ACYP2: variants seen among roughly 807,000 people sequenced by gnomAD.
ACYP2 encodes acylphosphatase 2, also known as acylphosphatase-2.
ACYP2 carries 12 observed loss-of-function variants against 11.2 expected under a neutral mutation model. The ratio of observed to expected loss-of-function variants is 1.08; its 90% CI spans 0.69 to 1.74. The LOEUF is 1.74. ACYP2 is among the 40% of genes most tolerant of loss of function. The pLI, the probability that ACYP2 is intolerant of heterozygous loss-of-function variation, is 0.00. For missense variants in ACYP2, 134 were observed against 101.9 expected (o/e 1.31, Z -1.35); for synonymous variants, 43 against 32.2 (o/e 1.33, Z -1.13).
intron 6 of ACYP2, among the ~76,000 whole-genome samples, chr2:54,211,998 C>T (rs148542484): frequency 4.6e-5 from 7 of 152,288 alleles, no homozygotes; most frequent in African/African-American, 1.4e-4. Flanking sequence ...GCTCCACTCA[C>T]TGCCTGCCAT....
At chr2:54,287,031 G>T (rs746416219) in intron 6 of ACYP2, among the ~76,000 whole-genome samples, 2 of 151,882 alleles carry the variant, frequency 1.3e-5, no homozygotes, top group African/African-American at 4.9e-5. Flanking sequence ...CCAATTTTTT[G>T]ATACTCTTTT....
At chr2:54,145,810 C>A (rs557170337) in intron 6 of ACYP2, among the ~76,000 whole-genome samples, 1 of 152,198 alleles carries the variant, frequency 6.6e-6, no homozygotes, top group East Asian at 1.9e-4. Context: ...AATATGTATT[C>A]CAAATCCCAC....
intron 6 of ACYP2, among the ~76,000 whole-genome samples, chr2:54,271,228 G>T (rs1688284220): frequency 6.6e-6 from 1 of 152,116 alleles, no homozygotes; most frequent in Non-Finnish European, 1.5e-5. Flanking sequence ...CTAATGAAAG[G>T]CCACAAGATT....
At chr2:54,241,617 G>A (rs1489272405) in intron 6 of ACYP2, among the ~76,000 whole-genome samples, 1 of 152,160 alleles carries the variant, frequency 6.6e-6, no homozygotes, top group East Asian at 1.9e-4. Flanking sequence ...AGATAGTCAC[G>A]TCTTTCTCTT....
At chr2:54,018,567 C>G (rs1167775770) in intron 2 of ACYP2, among the ~76,000 whole-genome samples, 5 of 151,730 alleles carry the variant, frequency 3.3e-5, no homozygotes, top group Non-Finnish European at 7.4e-5. Context: ...AATCCCAGCA[C>G]TTTGGGAGGC....
intron 6 of ACYP2, among the ~76,000 whole-genome samples, chr2:54,244,459 C>A (rs145717074): frequency 0.011 from 1,633 of 151,534 alleles, 19 homozygotes; most frequent in African/African-American, 0.026. Flanking sequence ...GCCTCAGCCT[C>A]CCAAAGTGCT....
chr2:54,000,015 G>A (rs958131762), intron 2 of ACYP2, among the ~76,000 whole-genome samples: 6 of 152,074 alleles, frequency 3.9e-5, no homozygotes, highest in Middle Eastern at 3.4e-3. Flanking sequence ...ACCTTAAATA[G>A]GGTTGGGATT....
At chr2:54,216,640 C>T (rs1386604859) in intron 6 of ACYP2, among the ~76,000 whole-genome samples, 3 of 151,820 alleles carry the variant, frequency 2.0e-5, no homozygotes, top group East Asian at 1.9e-4. Flanking sequence ...TGAGTTCAAG[C>T]GATTTTCATG....
chr2:54,094,199 AGAG>A (rs1399585945), intron 4 of ACYP2, among the ~76,000 whole-genome samples: 1 of 152,024 alleles, frequency 6.6e-6, no homozygotes, highest in African/African-American at 2.4e-5. Context: ...TTTGGTAGGC[AGAG>A]AAGAAGACAT....
chr2:54,067,759 T>C (rs904588579), intron 4 of ACYP2, among the ~76,000 whole-genome samples: 1 of 152,190 alleles, frequency 6.6e-6, no homozygotes, highest in African/African-American at 2.4e-5. Flanking sequence ...ATCCAAAGAC[T>C]AGCAAACCTG....
chr2:54,220,242 C>T (rs1685747272), intron 6 of ACYP2, among the ~76,000 whole-genome samples: 1 of 152,024 alleles, frequency 6.6e-6, no homozygotes, highest in African/African-American at 2.4e-5. Context: ...AATATTGTAT[C>T]AGCATATTTT....
At chr2:54,005,669 A>G (rs895548048) in intron 2 of ACYP2, among the ~76,000 whole-genome samples, 2 of 152,116 alleles carry the variant, frequency 1.3e-5, no homozygotes, top group Non-Finnish European at 2.9e-5. Context: ...TTTCTGTTCC[A>G]TTGACCAAGA....
chr2:54,005,681 C>T (rs1325420801), intron 2 of ACYP2, among the ~76,000 whole-genome samples: 1 of 152,164 alleles, frequency 6.6e-6, no homozygotes, highest in Admixed American at 6.6e-5. Context: ...TGACCAAGAT[C>T]AATTCATTTA....
rs548642282 is a variant in ACYP2 at position 54,259,553 on chromosome 2, A to T, written c.405-45135A>T. ...AAAGGAAGGTGTTCAGCTGTGTCACAGGGTGCTCACATGTCAGTTAGTATG... is the reference window on the plus strand; with the variant it reads ...AAAGGAAGGTGTTCAGCTGTGTCACTGGGTGCTCACATGTCAGTTAGTATG... On this transcript the variant is annotated intron_variant, in intron 6 of 6. Transcript: ENST00000607452. Among the ~76,000 whole-genome samples the T allele has an allele frequency of 2.6e-5, 4 of 152,346 alleles. No homozygotes were observed. In the South Asian group the frequency reaches 8.3e-4, roughly 32 times the overall value.
At chr2:54,278,073 G>A (rs1382996859) in intron 6 of ACYP2, among the ~76,000 whole-genome samples, 1 of 152,134 alleles carries the variant, frequency 6.6e-6, no homozygotes, top group Non-Finnish European at 1.5e-5. Flanking sequence ...TGCCTCCCAG[G>A]TTCATGCCAT....
intron 4 of ACYP2, among the ~76,000 whole-genome samples, chr2:54,135,178 T>C (rs1681148962): frequency 6.6e-6 from 1 of 152,206 alleles, no homozygotes; most frequent in African/African-American, 2.4e-5. Flanking sequence ...GTCTACAGTG[T>C]GGATCTGCTG....
chr2:54,113,296 G>C (rs1316681524), intron 4 of ACYP2, among the ~76,000 whole-genome samples: 2 of 150,218 alleles, frequency 1.3e-5, no homozygotes, highest in Non-Finnish European at 2.9e-5. Context: ...CTGGAGTGCA[G>C]TGGCCCCATC....
At position 54,115,615 on chromosome 2, in the gene ACYP2, A is replaced by C; in HGVS notation, c.278-19838A>C. On this transcript the variant is annotated intron_variant, in intron 4 of 6. An upstream start codon of the reference 5' UTR is lost. Coordinates refer to ENST00000607452, the MANE Select transcript of ACYP2 (RefSeq NM_001320586.2). ...GGCGCGGGGTGCGCCAAGCAGTCCC[A>C]TGTGTCCCCTCCCTCTCGCAGCCGC... 1 of 1,560,242 alleles carries C rather than the reference A, an allele frequency of 6.4e-7. No individual in the cohort carries two copies. The highest frequency in any genetic ancestry group is 8.7e-7 in the Non-Finnish European group (1 of 1,152,324).
chr2:54,024,280 C>G (rs988276700), intron 2 of ACYP2, among the ~76,000 whole-genome samples: 36 of 152,182 alleles, frequency 2.4e-4, no homozygotes, highest in African/African-American at 8.2e-4. Context: ...GCAGGAGAAT[C>G]ACTTGAACCT....
Sources: allele counts gnomAD v4.1 joint callset (sites outside exome capture counted in the v4.1 genomes callset), GRCh38; gene constraint gnomAD v4.1.1; transcripts MANE v1.5; gene names NCBI Gene and HGNC (gene_info 2026-07-23, HGNC 2026-07-21).